The following PCDHA5 variants were observed in gnomAD, a reference collection of about 807,000 sequenced individuals.
The protein encoded by PCDHA5 is protocadherin alpha 5.
PCDHA5 carries 43 observed loss-of-function variants against 61.6 expected under a neutral mutation model. The observed-to-expected ratio is 0.70, with a 90% confidence interval of 0.55 to 0.90. The LOEUF (loss-of-function observed/expected upper bound fraction) is 0.90. Among genes scored for constraint, PCDHA5 ranks in the 40% least tolerant of loss-of-function variants. The pLI is 0.00. For synonymous variants in PCDHA5, 627 were observed against 543.9 expected, an observed-to-expected ratio of 1.15 and a Z score of -2.13; for missense variants, 1,298 against 1,222.7, an observed-to-expected ratio of 1.06 and a Z score of -0.92.
intron 1 of PCDHA5, chr5:140,829,415 T>C: frequency 6.2e-7 from 1 of 1,614,082 alleles, no homozygotes; most frequent in South Asian, 1.1e-5. Flanking sequence ...CGCCAGCTTG[T>C]CTGTGGAGGT....
intron 1 of PCDHA5, chr5:140,858,027 C>T: frequency 1.3e-6 from 2 of 1,596,754 alleles, no homozygotes; most frequent in Non-Finnish European, 1.7e-6. Flanking sequence ...TCGCTGACGG[C>T]CACGGCCACT....
intron 1 of PCDHA5, chr5:140,928,142 C>T (rs2084978114): frequency 1.9e-6 from 3 of 1,614,170 alleles, no homozygotes; most frequent in East Asian, 2.2e-5. Flanking sequence ...CTGATCACGG[C>T]CTCAGATAGT....
At chr5:140,842,393 C>T in intron 1 of PCDHA5, 4 of 1,611,054 alleles carry the variant, frequency 2.5e-6, no homozygotes, top group Non-Finnish European at 3.4e-6. Context: ...CTTATCCTTG[C>T]CTGTACGTGA....
intron 1 of PCDHA5, among the ~76,000 whole-genome samples, chr5:140,900,465 C>T (rs936722061): frequency 1.3e-5 from 2 of 152,156 alleles, no homozygotes; most frequent in Admixed American, 1.3e-4. Context: ...TTAGTAGACA[C>T]GGAGTTTCTC....
rs113635864 is a variant in PCDHA5 at position 140,947,396 on chromosome 5, A to T, written c.2353-31553A>T. On this transcript the variant is annotated intron_variant, in intron 1 of 3. Coordinates refer to ENST00000529859, the MANE Select transcript of PCDHA5 (RefSeq NM_018908.3). ...ATATGTTTATCCTTTCACTAAAAGT[A>T]GACTGTCTTGATATTGTAGCTTTAT... Among the ~76,000 whole-genome samples the T allele has an allele frequency of 7.1e-3, 1,081 of 151,828 alleles. 11 individuals are homozygous for T. The highest frequency in any genetic ancestry group is 0.025 in the African/African-American group (1,045 of 41,538).
rs1554181482 is a variant in PCDHA5, at chr5:140,884,371, C to G, written c.2352+60244C>G. The stretch of plus-strand genomic sequence containing the variant: ...TGGTGGATGTCAATGTTTACTTGAT[C>G]ATTGCCATCTGCGCGGTGTCCAGCC... On this transcript the variant is annotated intron_variant, in intron 1 of 3. Coordinates refer to ENST00000529859, the MANE Select transcript of PCDHA5 (RefSeq NM_018908.3). 2 of 1,613,948 alleles carry G rather than the reference C, an allele frequency of 1.2e-6. No homozygotes were observed. Among genetic ancestry groups the G allele is most frequent in the African/African-American group, 2.7e-5 (2 of 75,052 alleles).
At chr5:140,938,133 A>G (rs2091933876) in intron 1 of PCDHA5, among the ~76,000 whole-genome samples, 1 of 152,268 alleles carries the variant, frequency 6.6e-6, no homozygotes, top group South Asian at 2.1e-4. Context: ...AAAAATAGAG[A>G]TAGAGTCTCA....
Position 140,857,975 on chromosome 5 carries a change from C to T in PCDHA5, c.2352+33848C>T, listed in dbSNP as rs782181380. The T allele has an allele frequency of 7.5e-6, 12 of 1,596,906 alleles. 2 individuals are homozygous for T. In the Admixed American group the frequency reaches 1.0e-4, roughly 14 times the overall value. On this transcript the variant is annotated intron_variant, in intron 1 of 3. Coordinates refer to ENST00000529859, the MANE Select transcript of PCDHA5 (RefSeq NM_018908.3). ...CGCTCTGGATGAGACTGACTCGCCA[C>T]GCCAGCGCCTACTGGTGCTGGTGAA...
At chr5:141,000,414 TATA>T (rs1563651539) in intron 3 of PCDHA5, among the ~76,000 whole-genome samples, 16 of 99,530 alleles carry the variant, frequency 1.6e-4, no homozygotes, top group African/African-American at 2.5e-4. Flanking sequence ...TATATATATA[TATA>T]TATATTTTTT....
chr5:140,950,919 T>TCCACA (rs1554219687), intron 1 of PCDHA5, among the ~76,000 whole-genome samples: 4 of 152,198 alleles, frequency 2.6e-5, no homozygotes, highest in African/African-American at 9.6e-5. Context: ...TTTATTTCAG[T>TCCACA]TCTTTTTCTT....
chr5:140,823,780 G>A lies in PCDHA5; in HGVS notation c.2005G>A (p.Val669Met), dbSNP rs2150129118. ...CACAGCCACAGTGCTGGTGTCGCTG[G>A]TGGAAAGTGGCCAGGCGCCGAAGGC... ...TATATVLVSL[V>M]ESGQAPKASS... The change falls in exon 1 of 4, where the codon GTG becomes ATG. Residue 669 changes from valine to methionine, a missense_variant. Coordinates refer to ENST00000529859, the MANE Select transcript of PCDHA5 (RefSeq NM_018908.3). 4 of 1,613,760 alleles carry A rather than the reference G, an allele frequency of 2.5e-6. No individual in the cohort carries two copies. The South Asian group carries it at 3.3e-5, about 13-fold the overall frequency.
chr5:140,861,571 A>C, intron 1 of PCDHA5: 1 of 372,012 alleles, frequency 2.7e-6, no homozygotes, highest in Non-Finnish European at 5.6e-6. Context: ...AAGCTGCTAC[A>C]GGTTTTCCAT....
Position 140,851,044 on chromosome 5 carries a change from G to A in PCDHA5, c.2352+26917G>A, listed in dbSNP as rs781824317. 121 of 1,389,526 alleles carry A rather than the reference G, an allele frequency of 8.7e-5. 9 individuals are homozygous for A. The highest frequency in any genetic ancestry group is 1.1e-4 in the Non-Finnish European group (114 of 1,060,604). 86.1% of individuals were successfully genotyped at this position (1,389,526 alleles called of 1,614,324 possible). On this transcript the variant is annotated intron_variant, in intron 1 of 3. Transcript: ENST00000529859. ...AAGTAAACCCCTTAACATTGGAGCC[G>A]ACTTTGTCTTGACTTCTAGTGAGAA... is the stretch of plus-strand genomic sequence containing the variant.
intron 1 of PCDHA5, chr5:140,871,449 G>A: frequency 6.2e-7 from 1 of 1,608,762 alleles, no homozygotes; most frequent in Non-Finnish European, 8.5e-7. Context: ...TGAATAAAGA[G>A]GAGGAAGGGG....
At chr5:140,876,493 C>G in intron 1 of PCDHA5, 1 of 1,614,008 alleles carries the variant, frequency 6.2e-7, no homozygotes, top group South Asian at 1.1e-5. Flanking sequence ...GGTGGAAGTT[C>G]TGGACGTGAA....
chr5:140,843,800 C>T (rs2150366866), intron 1 of PCDHA5: 5 of 1,342,480 alleles, frequency 3.7e-6, no homozygotes, highest in East Asian at 2.3e-5. Context: ...TAGTTTTTCA[C>T]CGTATTTTAT....
At chr5:140,848,407 A>G in intron 1 of PCDHA5, 1 of 1,347,562 alleles carries the variant, frequency 7.4e-7, no homozygotes, top group Non-Finnish European at 1.0e-6. Flanking sequence ...AACGATGGCG[A>G]ACACAGCAGA....
At chr5:140,824,610 G>GTTTTTTTTTTTTTTTTTTTTTTT (rs782443702) in intron 1 of PCDHA5, 2 of 95,112 alleles carry the variant, frequency 2.1e-5, no homozygotes, top group African/African-American at 4.9e-5. Flanking sequence ...GCTAATTAAA[G>GTTTTTTTTTTTTTTTTTTTTTTT]TTTTTTTTTT....
Position 140,842,238 on chromosome 5 carries a change from G to A in PCDHA5, c.2352+18111G>A, listed in dbSNP as rs1554138909. ...AATACGGGAGAAATAGTGATTCGGG[G>A]TAATTTGGATTTTGAACAAGAAAAC... On this transcript the variant is annotated intron_variant, in intron 1 of 3. Coordinates refer to ENST00000529859, the MANE Select transcript of PCDHA5 (RefSeq NM_018908.3). 6.2e-6 allele frequency: 10 copies of A among 1,612,562 alleles called. No homozygotes were observed. Among genetic ancestry groups the A allele is most frequent in the South Asian group, 2.2e-5 (2 of 91,028 alleles).
Sources: gnomAD v4.1 joint callset for allele counts (sites outside exome capture counted in the v4.1 genomes callset) on GRCh38, gnomAD v4.1.1 for gene constraint, MANE v1.5 for transcripts, NCBI Gene and HGNC (gene_info 2026-07-23, HGNC 2026-07-21) for gene names.